The following PDGFD variants were observed in gnomAD, a reference collection of about 807,000 sequenced individuals.
The protein encoded by PDGFD is platelet derived growth factor D.
In PDGFD, 30 loss-of-function variants were observed where a neutral mutation model predicts 44.7. The observed-to-expected ratio is 0.67, with a 90% CI of 0.50 to 0.91. The LOEUF (loss-of-function observed/expected upper bound fraction) is 0.91, where lower values mean the gene tolerates loss of function less well. Ranked by LOEUF, PDGFD falls within the 40% of genes least tolerant of loss-of-function variation. PDGFD has a pLI of 0.00. For missense variants in PDGFD, 445 were observed against 457.8 expected (o/e 0.97, Z 0.25); for synonymous variants, 173 against 168.4 (o/e 1.03, Z -0.21).
chr11:103,985,262 T>C (rs1859346327), intron 3 of PDGFD, among the ~76,000 whole-genome samples: 1 of 149,842 alleles, frequency 6.7e-6, no homozygotes, highest in Non-Finnish European at 1.5e-5. Context: ...AGTCCAGTGG[T>C]GAAATCATAG....
chr11:103,912,489 TG>T (rs1858043971), intron 6 of PDGFD, among the ~76,000 whole-genome samples: 1 of 151,990 alleles, frequency 6.6e-6, no homozygotes, highest in South Asian at 2.1e-4. Flanking sequence ...AGCACCAACA[TG>T]GAAAGGAACA....
At chr11:104,033,242 C>T (rs897050589) in intron 1 of PDGFD, among the ~76,000 whole-genome samples, 3 of 152,030 alleles carry the variant, frequency 2.0e-5, no homozygotes, top group African/African-American at 7.2e-5. Context: ...CACAGAAGTA[C>T]TAAACACAGG....
chr11:104,024,377 A>G (rs1217241225), intron 1 of PDGFD, among the ~76,000 whole-genome samples: 3 of 152,302 alleles, frequency 2.0e-5, no homozygotes, highest in African/African-American at 7.2e-5. Context: ...TCAAGGAACC[A>G]CAGTGAGTTG....
chr11:104,067,979 C>G (rs751835798), intron 1 of PDGFD, among the ~76,000 whole-genome samples: 2 of 151,884 alleles, frequency 1.3e-5, no homozygotes, highest in Non-Finnish European at 2.9e-5. Context: ...GAAATTGCAG[C>G]GAAAATTTCA....
intron 1 of PDGFD, among the ~76,000 whole-genome samples, chr11:104,059,041 A>C (rs1860667088): frequency 6.6e-6 from 1 of 152,236 alleles, no homozygotes; most frequent in South Asian, 2.1e-4. Flanking sequence ...TGACAAAAAT[A>C]TTACAGATCT....
At chr11:104,034,041 C>T (rs1860176115) in intron 1 of PDGFD, among the ~76,000 whole-genome samples, 1 of 152,196 alleles carries the variant, frequency 6.6e-6, no homozygotes, top group Non-Finnish European at 1.5e-5. Flanking sequence ...TCTTCCTTCT[C>T]ACCTTTGTGT....
intron 1 of PDGFD, among the ~76,000 whole-genome samples, chr11:104,058,494 G>T (rs1341581388): frequency 6.6e-6 from 1 of 152,058 alleles, no homozygotes; most frequent in Non-Finnish European, 1.5e-5. Flanking sequence ...GCAACAACGA[G>T]GACAACAGGC....
chr11:103,995,647 CTTTCTTCTGTGATAGAACT>C (rs1273696956), intron 3 of PDGFD, among the ~76,000 whole-genome samples: 11 of 152,310 alleles, frequency 7.2e-5, no homozygotes, highest in African/African-American at 2.4e-4. Flanking sequence ...ATCATCAGGA[CTTTCTTCTGTGATAGAACT>C]TATACACAAA....
In PDGFD at chr11:103,947,683, T is replaced by C. The variant is rs747597369; in HGVS notation, c.552A>G (p.Glu184=). ...QPAAASETNW[E]SVTSSISGVS... is the part of the protein sequence containing the mutation. ...TTACTGAAATAGAGCTTGTGACAGA[T>C]TCCCAGTTGGTCTCTGAAGCTGCTG... The change falls in exon 4 of 7, where the codon GAA becomes GAG. Residue 184 remains glutamate (E), a synonymous_variant. Transcript: ENST00000393158. 2 of 1,613,510 alleles carry C rather than the reference T, an allele frequency of 1.2e-6. No individual in the cohort carries two copies. The highest frequency in any genetic ancestry group is 2.2e-5 in the South Asian group (2 of 91,078).
At chr11:104,030,734 T>A (rs1860111030) in intron 1 of PDGFD, among the ~76,000 whole-genome samples, 1 of 152,128 alleles carries the variant, frequency 6.6e-6, no homozygotes, top group South Asian at 2.1e-4. Context: ...AGTGGTATGA[T>A]ACATCAAGGA....
intron 1 of PDGFD, among the ~76,000 whole-genome samples, chr11:104,066,303 C>T (rs975483722): frequency 1.3e-5 from 2 of 152,110 alleles, no homozygotes; most frequent in South Asian, 4.1e-4. Flanking sequence ...ACTGAAAAAT[C>T]ACTCAGTTGA....
In PDGFD at chr11:104,095,555, T is replaced by C. The variant is rs1336357788; in HGVS notation, c.124+68249A>G. On this transcript the variant is annotated intron_variant, in intron 1 of 6. Coordinates refer to ENST00000393158, the MANE Select transcript of PDGFD (RefSeq NM_025208.5). Reference sequence around the variant, plus strand: ...CAGTTTCCTGTCACACAGTCCTTACTGTCTTAGAGACAAAAAAATGGTAAA... The same window carrying C: ...CAGTTTCCTGTCACACAGTCCTTACCGTCTTAGAGACAAAAAAATGGTAAA... 3.3e-5 allele frequency among the ~76,000 whole-genome samples: 5 copies of C among 151,996 alleles called. No individual in the cohort carries two copies. The East Asian group carries it at 9.7e-4, about 30-fold the overall frequency.
chr11:104,061,396 T>C (rs987644368), intron 1 of PDGFD, among the ~76,000 whole-genome samples: 2 of 152,138 alleles, frequency 1.3e-5, no homozygotes, highest in African/African-American at 4.8e-5. Flanking sequence ...TAACCAATGA[T>C]ATGCCAGTAT....
chr11:104,032,644 A>ATGTTTTTCTTTTTTTTTTTTTT (rs1860146814), intron 1 of PDGFD, among the ~76,000 whole-genome samples: 1 of 148,420 alleles, frequency 6.7e-6, no homozygotes, highest in African/African-American at 2.5e-5. Context: ...AGTTATGTGG[A>ATGTTTTTCTTTTTTTTTTTTTT]TTTTTTTCTT....
At chr11:104,115,258 CATATAT>C (rs567213836) in intron 1 of PDGFD, among the ~76,000 whole-genome samples, 1 of 145,984 alleles carries the variant, frequency 6.9e-6, no homozygotes, top group Non-Finnish European at 1.5e-5. Flanking sequence ...AGCATTCTAT[CATATAT>C]ATATATATGT....
At chr11:104,127,073 C>T (rs1386776305) in intron 1 of PDGFD, among the ~76,000 whole-genome samples, 1 of 152,090 alleles carries the variant, frequency 6.6e-6, no homozygotes, top group Non-Finnish European at 1.5e-5. Flanking sequence ...CGGCTTTTTC[C>T]TGTTTTACTC....
intron 1 of PDGFD, among the ~76,000 whole-genome samples, chr11:104,152,849 A>G (rs750286622): frequency 6.6e-6 from 1 of 152,172 alleles, no homozygotes; most frequent in Non-Finnish European, 1.5e-5. Flanking sequence ...ACTGTTCATA[A>G]TAGATATTAA....
chr11:104,083,506 C>G (rs753890089), intron 1 of PDGFD, among the ~76,000 whole-genome samples: 9 of 152,152 alleles, frequency 5.9e-5, no homozygotes, highest in Non-Finnish European at 1.0e-4. Context: ...GCTAGTATCA[C>G]TAGATTTCTT....
intron 1 of PDGFD, 85 bp downstream of exon 1, chr11:104,163,719 A>C: frequency 7.0e-7 from 1 of 1,422,502 alleles, no homozygotes; most frequent in Non-Finnish European, 9.4e-7. Context: ...CAAGATTCAA[A>C]AAGAAAGGGG....
Sources: allele counts gnomAD v4.1 joint callset (sites outside exome capture counted in the v4.1 genomes callset), GRCh38; gene constraint gnomAD v4.1.1; transcripts MANE v1.5; gene names NCBI Gene and HGNC (gene_info 2026-07-23, HGNC 2026-07-21).